NCOR2: variants seen among roughly 807,000 people sequenced by gnomAD.
NCOR2 encodes the protein CTG repeat protein 26.
In NCOR2, 81 loss-of-function variants were observed where a neutral mutation model predicts 262.9. The ratio of observed to expected loss-of-function variants is 0.31; its 90% CI spans 0.26 to 0.37. NCOR2 has a LOEUF of 0.37. Ranked by LOEUF, NCOR2 falls within the 10% of genes least tolerant of loss-of-function variation. NCOR2 has a pLI of 1.00. For missense variants in NCOR2, 3,385 were observed against 3,621.4 expected, an observed-to-expected ratio of 0.93 and a Z score of 1.68; for synonymous variants, 1,659 against 1,559.3, an observed-to-expected ratio of 1.06 and a Z score of -1.51.
chr12:124,374,341 G>C lies in NCOR2; in HGVS notation c.2218+72C>G, dbSNP rs76158893. On this transcript the variant is annotated intron_variant, in intron 19 of 46. Coordinates refer to ENST00000405201, the Ensembl canonical transcript of NCOR2. ...TGTGCTCAGAAGCGGGGTTCCTTGT[G>C]GAGGACCGGGGACCTTGGGATGCCC... is the stretch of plus-strand genomic sequence containing the variant. 1.8e-3 allele frequency: 2,719 copies of C among 1,488,616 alleles called. 47 individuals are homozygous for C. The African/African-American group carries it at 0.032, about 18-fold the overall frequency. The allele number at this position is 1,488,616 out of a possible 1,614,324, so 92.2% of individuals were successfully genotyped here.
At chr12:124,394,539 A>C (rs1290838628) in intron 16 of NCOR2, among the ~76,000 whole-genome samples, 1 of 152,248 alleles carries the variant, frequency 6.6e-6, no homozygotes, top group Non-Finnish European at 1.5e-5. Context: ...ACGTGGGGTC[A>C]TACTGGATTG....
chr12:124,345,782 C>T (rs1179091163), intron 31 of NCOR2, among the ~76,000 whole-genome samples: 1 of 152,222 alleles, frequency 6.6e-6, no homozygotes, highest in Admixed American at 6.5e-5. Flanking sequence ...GCTTCAAAAC[C>T]TTCCTACAAG....
intron 42 of NCOR2, 21 bp downstream of exon 44, chr12:124,333,109 C>T (rs367902064): frequency 1.4e-5 from 22 of 1,582,724 alleles, no homozygotes; most frequent in Middle Eastern, 3.4e-4. Context: ...CCGGGGGCAG[C>T]GCATGTGCCC....
intron 1 of NCOR2, among the ~76,000 whole-genome samples, chr12:124,533,644 G>C (rs992861183): frequency 6.6e-6 from 1 of 152,228 alleles, no homozygotes; most frequent in Admixed American, 6.5e-5. Flanking sequence ...ACCCACAACA[G>C]AGCCTGGCAC....
At chr12:124,339,905 A>ACCTCC in intron 37 of NCOR2, 101 bp downstream of exon 39, 1 of 163,604 alleles carries the variant, frequency 6.1e-6, no homozygotes, top group Non-Finnish European at 1.1e-5. Context: ...CCACCCACCC[A>ACCTCC]CCTCCCATAT....
intron 13 of NCOR2, among the ~76,000 whole-genome samples, chr12:124,410,170 C>A (rs1001124139): frequency 1.1e-4 from 17 of 149,872 alleles, no homozygotes; most frequent in African/African-American, 4.2e-4. Flanking sequence ...AGCAGCCCAG[C>A]TTGAGATGTC....
At chr12:124,391,536 A>G (rs2041306921) in intron 16 of NCOR2, among the ~76,000 whole-genome samples, 1 of 151,916 alleles carries the variant, frequency 6.6e-6, no homozygotes, top group Non-Finnish European at 1.5e-5. Context: ...GTGCCTCCGC[A>G]TTGACACCCT....
chr12:124,434,061 C>A (rs991756208), intron 8 of NCOR2, among the ~76,000 whole-genome samples: 2 of 152,142 alleles, frequency 1.3e-5, no homozygotes, highest in Non-Finnish European at 2.9e-5. Context: ...GCCAACTGGG[C>A]CTCCAGAGGG....
rs770492724 is a variant in NCOR2, at chr12:124,337,046, C to T, written c.5822G>A (p.Arg1941Gln). ...TCGGGGCCGCTCTGGCCGGGCGACC[C>T]GGGGGGCCTCCTTGGGCAGCAAGAC... The change falls in exon 38 of 47, where the codon CGG becomes CAG. Residue 1941 changes from arginine (R) to glutamine (Q), a missense_variant. Arg to Gln is a conservative substitution (Grantham distance 43, BLOSUM62 1). Around this residue, in one of 5 missense-constraint regions of NCOR2, gnomAD observed 1,017 missense variants for 967.2 expected, o/e 1.05. Transcript: ENST00000405201. 4.0e-6 allele frequency: 6 copies of T among 1,495,076 alleles called. No individual in the cohort carries two copies. Among genetic ancestry groups the T allele is most frequent in the East Asian group, 4.7e-5 (2 of 42,380 alleles). The allele number at this position is 1,495,076 out of a possible 1,614,324, so 92.6% of individuals were successfully genotyped here.
chr12:124,451,772 C>A (rs2045557465), intron 6 of NCOR2, among the ~76,000 whole-genome samples: 1 of 152,174 alleles, frequency 6.6e-6, no homozygotes, highest in Non-Finnish European at 1.5e-5. Context: ...AAGGGACACA[C>A]AAGTCTCTTC....
chr12:124,358,556 C>G lies in NCOR2; in HGVS notation c.3101-1774G>C, dbSNP rs2038205825. Among the ~76,000 whole-genome samples the G allele has an allele frequency of 2.0e-5, 3 of 152,314 alleles. No homozygotes were observed. In the South Asian group the frequency reaches 6.2e-4, roughly 32 times the overall value. On this transcript the variant is annotated intron_variant, in intron 22 of 46. Coordinates refer to ENST00000405201, the Ensembl canonical transcript of NCOR2. ...ACTGTGCTCAGCATCCCACGGCCTCCATGAGCCTCCGGTTAAGCTCACACA... is the reference window on the plus strand; with the variant it reads ...ACTGTGCTCAGCATCCCACGGCCTCGATGAGCCTCCGGTTAAGCTCACACA...
chr12:124,433,511 C>T (rs983292254), intron 8 of NCOR2, among the ~76,000 whole-genome samples: 4 of 152,184 alleles, frequency 2.6e-5, no homozygotes, highest in African/African-American at 7.2e-5. Context: ...CTGGGTCCCT[C>T]GTGGAGTGCA....
At chr12:124,561,702 G>A (rs563885629) in intron 1 of NCOR2, among the ~76,000 whole-genome samples, 67 of 152,244 alleles carry the variant, frequency 4.4e-4, no homozygotes, top group African/African-American at 1.5e-3. Context: ...GCACCACGCA[G>A]AGAAAACACG....
intron 20 of NCOR2, among the ~76,000 whole-genome samples, chr12:124,371,059 C>T (rs1226981882): frequency 6.6e-6 from 1 of 152,214 alleles, no homozygotes; most frequent in Non-Finnish European, 1.5e-5. Context: ...GACTGTGCCT[C>T]TCACTCCCAG....
chr12:124,426,659 T>A lies in NCOR2; in HGVS notation c.1291A>T (p.Met431Leu), dbSNP rs745651245. 4 of 1,605,070 alleles carry A rather than the reference T, an allele frequency of 2.5e-6. No homozygotes were observed. The South Asian group carries it at 4.4e-5, about 18-fold the overall frequency. ...GTCTCCTTCTCCTGCTCACTCCACA[T>A]GTTCATGACCTGGCGGTCTTTGTAC... is the stretch of plus-strand genomic sequence containing the variant. Residue 431 changes from methionine to leucine, a missense_variant, in exon 11 of 47, where the codon ATG becomes TTG. Met to Leu is a conservative substitution (Grantham distance 15). This residue lies in a region of NCOR2 where 515 missense variants were observed against 781.2 expected (regional missense o/e 0.66). Transcript: ENST00000405201.
intron 7 of NCOR2, among the ~76,000 whole-genome samples, chr12:124,439,040 T>G (rs1156973152): frequency 9.5e-4 from 31 of 32,630 alleles, no homozygotes; most frequent in East Asian, 1.3e-3. Flanking sequence ...GAGAGAGAGA[T>G]GGAGACCCTG....
chr12:124,340,232 G>A (rs1566365258), intron 36 of NCOR2, 28 bp from the exon 39 acceptor site: 1 of 1,606,006 alleles, frequency 6.2e-7, no homozygotes, highest in East Asian at 2.2e-5. Context: ...CATCAGCAGG[G>A]GGAGGCCTCT....
intron 1 of NCOR2, among the ~76,000 whole-genome samples, chr12:124,547,434 T>C (rs968060979): frequency 1.3e-5 from 2 of 152,220 alleles, no homozygotes; most frequent in Non-Finnish European, 2.9e-5. Context: ...AGGCATCCAC[T>C]GGGGGTCTTA....
intron 19 of NCOR2, among the ~76,000 whole-genome samples, chr12:124,373,328 AGTGCGT>A (rs1328663559): frequency 2.7e-5 from 1 of 36,628 alleles, no homozygotes; most frequent in African/African-American, 7.7e-5. Flanking sequence ...TCATGAGGCC[AGTGCGT>A]GTGCAGGGGC....
Sources: allele counts gnomAD v4.1 joint callset (sites outside exome capture counted in the v4.1 genomes callset), GRCh38; gene constraint gnomAD v4.1.1; regional missense constraint gnomAD v4.1.1; transcripts MANE v1.5; gene names NCBI Gene and HGNC (gene_info 2026-07-23, HGNC 2026-07-21).